The following SATB2 variants were observed in gnomAD, a reference collection of about 807,000 sequenced individuals.
SATB2 encodes the protein DNA-binding protein SATB2.
SATB2 carries 1 observed loss-of-function variant against 73.4 expected under a neutral mutation model. The ratio of observed to expected loss-of-function variants is 0.01; its 90% CI spans 0.00 to 0.06. The LOEUF (loss-of-function observed/expected upper bound fraction) is 0.06. Ranked by LOEUF, SATB2 falls within the 10% of genes least tolerant of loss-of-function variation. The pLI is 1.00. For missense variants in SATB2, 459 were observed against 945.8 expected (o/e 0.49, Z 6.75); for synonymous variants, 397 against 367.0 (o/e 1.08, Z -0.93).
intron 10 of SATB2, among the ~76,000 whole-genome samples, chr2:199,274,540 C>T (rs181968637): frequency 6.6e-6 from 1 of 152,174 alleles, no homozygotes; most frequent in East Asian, 1.9e-4. Flanking sequence ...AAGTAATAAT[C>T]AATAATCAAA....
intron 8 of SATB2, 94 bp from the exon 9 acceptor site, chr2:199,324,052 G>A: frequency 2.3e-6 from 3 of 1,309,656 alleles, no homozygotes; most frequent in Non-Finnish European, 3.3e-6. Flanking sequence ...GTCAGCTGAT[G>A]CCAAACTGCA....
At chr2:199,311,791 C>G (rs1687602342) in intron 9 of SATB2, among the ~76,000 whole-genome samples, 1 of 152,150 alleles carries the variant, frequency 6.6e-6, no homozygotes, top group Admixed American at 6.5e-5. Flanking sequence ...ATCTCATGCA[C>G]CATCATTTTA....
intron 7 of SATB2, among the ~76,000 whole-genome samples, chr2:199,335,984 CCCTTAACTGCAATA>C (rs1414077196): frequency 6.6e-6 from 1 of 152,124 alleles, no homozygotes; most frequent in Non-Finnish European, 1.5e-5. Flanking sequence ...AGTCTGTGTT[CCCTTAACTGCAATA>C]CCTTTGACCA....
intron 10 of SATB2, among the ~76,000 whole-genome samples, chr2:199,286,766 T>C (rs376247604): frequency 2.0e-3 from 309 of 152,286 alleles, no homozygotes; most frequent in African/African-American, 7.0e-3. Context: ...AAAGTGTCTT[T>C]AAAGACCTTA....
At chr2:199,332,650 T>C (rs1383590001) in intron 7 of SATB2, among the ~76,000 whole-genome samples, 1 of 152,162 alleles carries the variant, frequency 6.6e-6, no homozygotes, top group Admixed American at 6.6e-5. Flanking sequence ...TATTTCTTTA[T>C]AACAAATTAA....
At position 199,457,128 on chromosome 2, in the gene SATB2, G is replaced by A. The variant is rs1009037351; in HGVS notation, c.-60+211C>T. On this transcript the variant is annotated intron_variant, in intron 1 of 10. Transcript: ENST00000417098. This position sits in a 1 kb window ranked among gnomAD's most constrained non-coding sequence, Gnocchi z 4.8. Reference sequence around the variant, plus strand: ...CGCGCGAGCAGTGTCGGCGCCACGGGTCAAGGAGACAAGGTGGGGGTGGCA... The same window carrying A: ...CGCGCGAGCAGTGTCGGCGCCACGGATCAAGGAGACAAGGTGGGGGTGGCA... Among the ~76,000 whole-genome samples the A allele has an allele frequency of 6.6e-6, 1 of 152,312 alleles. No individual in the cohort carries two copies.
At chr2:199,297,195 C>T (rs1052633758) in intron 10 of SATB2, among the ~76,000 whole-genome samples, 10 of 152,162 alleles carry the variant, frequency 6.6e-5, no homozygotes, top group South Asian at 2.1e-4. Flanking sequence ...TGACTTGTTA[C>T]GTATTTGTTG....
chr2:199,381,956 A>C (rs1391210878), intron 3 of SATB2, 136 bp from the exon 4 acceptor site: 1 of 966,246 alleles, frequency 1.0e-6, no homozygotes, highest in East Asian at 2.7e-5. Flanking sequence ...CCAGTGCAAT[A>C]AGCTATTTCT....
chr2:199,381,919 C>G, intron 3 of SATB2, 99 bp from the exon 4 acceptor site: 1 of 1,337,778 alleles, frequency 7.5e-7, no homozygotes, highest in Non-Finnish European at 1.0e-6. Context: ...TCATCAACAT[C>G]CAAGGCCCAC....
At chr2:199,280,163 C>T (rs1185428218) in intron 10 of SATB2, among the ~76,000 whole-genome samples, 1 of 152,138 alleles carries the variant, frequency 6.6e-6, no homozygotes, top group African/African-American at 2.4e-5. Context: ...TTTCTTACGC[C>T]GATCTTTACT....
At chr2:199,408,928 A>G (rs926387948) in intron 3 of SATB2, among the ~76,000 whole-genome samples, 2 of 152,044 alleles carry the variant, frequency 1.3e-5, no homozygotes, top group African/African-American at 4.8e-5. Context: ...CACTGAACAT[A>G]ATGAGGGAGT....
chr2:199,401,388 T>C (rs1280298133), intron 3 of SATB2, among the ~76,000 whole-genome samples: 1 of 148,504 alleles, frequency 6.7e-6, no homozygotes, highest in East Asian at 2.0e-4. Context: ...TCTACTAAAA[T>C]ACAAAAAAAA....
In SATB2 at chr2:199,308,818, C is replaced by A. The variant is rs1687513299; in HGVS notation, c.1682G>T (p.Arg561Met). ...ERDVIYEEES[R>M]HHHSERMQHV... ...TTGCATGCGTTCGCTGTGGTGATGC[C>A]TTGACTCCTCCTCATAGATGACATC... Residue 561 changes from arginine (R) to methionine (M), a missense_variant, in exon 10 of 11, where the codon AGG (arginine) becomes ATG (methionine). Arg to Met is a moderately conservative substitution (Grantham distance 91). Transcript: ENST00000417098. The surrounding 1 kb of genome is among the most constrained non-coding windows in gnomAD (Gnocchi z 4.6). 6.2e-7 allele frequency: 1 copy of A among 1,614,028 alleles called. No homozygotes were observed. Among genetic ancestry groups the A allele is most frequent in the Non-Finnish European group, 8.5e-7 (1 of 1,180,016 alleles).
upstream of SATB2, chr2:199,458,472 C>T: frequency 2.6e-6 from 1 of 391,118 alleles, no homozygotes; most frequent in South Asian, 1.8e-5. Flanking sequence ...AGGCGGTGGC[C>T]GCGGCCAGCG....
At chr2:199,390,228 G>GA (rs952117485) in intron 3 of SATB2, among the ~76,000 whole-genome samples, 8 of 151,680 alleles carry the variant, frequency 5.3e-5, no homozygotes, top group African/African-American at 1.7e-4. Context: ...GTCAGGATAT[G>GA]AAAAAAAATG....
intron 6 of SATB2, among the ~76,000 whole-genome samples, chr2:199,364,233 T>A (rs1689222000): frequency 6.6e-6 from 1 of 152,208 alleles, no homozygotes; most frequent in Non-Finnish European, 1.5e-5. Flanking sequence ...CTTATTTCTT[T>A]TAATCACAAC....
intron 7 of SATB2, 146 bp downstream of exon 7, chr2:199,348,555 G>A: frequency 1.4e-6 from 1 of 715,726 alleles, no homozygotes; most frequent in Non-Finnish European, 2.4e-6. Flanking sequence ...AATGGTAATA[G>A]CGTTTCATTA....
chr2:199,428,614 C>T (rs745966079), intron 3 of SATB2, among the ~76,000 whole-genome samples: 4 of 152,066 alleles, frequency 2.6e-5, no homozygotes, highest in Admixed American at 6.6e-5. Flanking sequence ...TTCTGTGAAA[C>T]GGGAAATGTA....
Position 199,317,829 on chromosome 2 carries a change from G to A in SATB2, c.1542+5974C>T, listed in dbSNP as rs138363876. ...GACTGGAGGGCTCAACTTGACGCTC[G>A]CGCATCATATCACTATGTTCACACC... On this transcript the variant is annotated intron_variant, in intron 9 of 10. Transcript: ENST00000417098. 6.0e-3 allele frequency among the ~76,000 whole-genome samples: 912 copies of A among 152,046 alleles called. 3 individuals are homozygous for A. Among genetic ancestry groups the A allele is most frequent in the Non-Finnish European group, 0.01 (694 of 67,982 alleles).
Sources: gnomAD v4.1 joint callset for allele counts (sites outside exome capture counted in the v4.1 genomes callset) on GRCh38, gnomAD v4.1.1 for gene constraint, Gnocchi (gnomAD v3.1) non-coding constraint, MANE v1.5 for transcripts, NCBI Gene and HGNC (gene_info 2026-07-23, HGNC 2026-07-21) for gene names.